The following CIRSR variants were observed in gnomAD, a reference collection of about 807,000 sequenced individuals.
CIRSR encodes CBF1 (RBPJ) interacting corepressor 1.
chr2:174,349,550 G>A, the CIRSR span, among the ~76,000 whole-genome samples: 1 of 125,468 alleles, frequency 8.0e-6, no homozygotes, highest in Non-Finnish European at 1.6e-5. Context: ...GGGCAAAAGA[G>A]TGAGACTCTG....
chr2:174,354,581 T>TATATATCATATAATATATATTATATTATA, the CIRSR span, among the ~76,000 whole-genome samples: 5 of 17,398 alleles, frequency 2.9e-4, no homozygotes, highest in Admixed American at 1.5e-3. Context: ...ATATTATATA[T>TATATATCATATAATATATATTATATTATA]TATATATATC....
At chr2:174,356,665 G>A in the CIRSR span, among the ~76,000 whole-genome samples, 2 of 152,228 alleles carry the variant, frequency 1.3e-5, no homozygotes, top group East Asian at 3.9e-4. Context: ...TGACTGGCCT[G>A]TCTCTCCTTC....
the CIRSR span, among the ~76,000 whole-genome samples, chr2:174,390,792 A>T: frequency 6.6e-6 from 1 of 152,180 alleles, no homozygotes; most frequent in Non-Finnish European, 1.5e-5. Context: ...TTTGATGGAT[A>T]AAACCATCAG....
the CIRSR span, among the ~76,000 whole-genome samples, chr2:174,354,543 AT>A: frequency 2.0e-5 from 1 of 50,048 alleles, no homozygotes; most frequent in African/African-American, 8.2e-5. Context: ...TATATAATAT[AT>A]ATTATATTAT....
the CIRSR span, chr2:174,358,240 AT>A: frequency 6.6e-6 from 1 of 152,120 alleles, no homozygotes; most frequent in Non-Finnish European, 1.5e-5. Flanking sequence ...TTTTATTTTT[AT>A]TTATTTTTAT....
the CIRSR span, among the ~76,000 whole-genome samples, chr2:174,354,591 CATATAATATATATTATATTAT>C: frequency 7.6e-4 from 7 of 9,170 alleles, no homozygotes; most frequent in South Asian, 0.04. Context: ...TTATATATAT[CATATAATATATATTATATTAT>C]ATATTTTATA....
At chr2:174,378,952 T>C in the CIRSR span, 48 of 1,613,374 alleles carry the variant, frequency 3.0e-5, no homozygotes, top group Non-Finnish European at 3.8e-5. Context: ...CGAACTTGCA[T>C]TGATTCCAGA....
At chr2:174,394,542 A>G in the CIRSR span, among the ~76,000 whole-genome samples, 1 of 152,198 alleles carries the variant, frequency 6.6e-6, no homozygotes, top group Non-Finnish European at 1.5e-5. Flanking sequence ...CCTCATTTAT[A>G]AAATGAGGAG....
chr2:174,373,809 T>C, the CIRSR span, among the ~76,000 whole-genome samples: 1 of 132,164 alleles, frequency 7.6e-6, no homozygotes. Context: ...CACCTTTCCT[T>C]TTCCTCAATA....
At chr2:174,348,759 T>C in the CIRSR span, 2 of 1,614,204 alleles carry the variant, frequency 1.2e-6, no homozygotes, top group Admixed American at 1.7e-5. Flanking sequence ...CTCTGGGCTA[T>C]GTTTATGGGT....
the CIRSR span, among the ~76,000 whole-genome samples, chr2:174,391,580 C>A: frequency 5.3e-5 from 8 of 151,760 alleles, no homozygotes; most frequent in African/African-American, 1.9e-4. Context: ...ACAGAGTGAG[C>A]CTCCATCTCA....
the CIRSR span, chr2:174,348,284 T>TCC: frequency 1.6e-6 from 1 of 607,054 alleles, no homozygotes; most frequent in Non-Finnish European, 2.5e-6. Context: ...CAAAATAGCT[T>TCC]ACTTACAAAT....
the CIRSR span, among the ~76,000 whole-genome samples, chr2:174,359,004 C>T: frequency 6.6e-5 from 10 of 152,294 alleles, no homozygotes; most frequent in Non-Finnish European, 1.3e-4. Context: ...CAGAAGTTAG[C>T]ATTATGTTTT....
chr2:174,359,313 T>A, the CIRSR span, among the ~76,000 whole-genome samples: 2 of 146,618 alleles, frequency 1.4e-5, no homozygotes, highest in African/African-American at 5.0e-5. Flanking sequence ...AACTCTACAT[T>A]TAAGACCAGT....
At chr2:174,380,092 A>C in the CIRSR span, 3 of 662,606 alleles carry the variant, frequency 4.5e-6, no homozygotes, top group Non-Finnish European at 7.6e-6. Context: ...ATCTGATACA[A>C]ATAAAAACCA....
the CIRSR span, among the ~76,000 whole-genome samples, chr2:174,354,680 TATATATTATATAATAC>T: frequency 3.0e-5 from 3 of 100,554 alleles, no homozygotes; most frequent in Non-Finnish European, 5.6e-5. Flanking sequence ...TTATATATTT[TATATATTATATAATAC>T]ATATATTATA....
chr2:174,354,625 TTA>T, the CIRSR span, among the ~76,000 whole-genome samples: 6 of 81,066 alleles, frequency 7.4e-5, no homozygotes, highest in South Asian at 2.8e-4. Context: ...ATTTTATATA[TTA>T]TATAATATAT....
the CIRSR span, chr2:174,370,161 C>T: frequency 1.0e-6 from 1 of 1,002,680 alleles, no homozygotes; most frequent in Non-Finnish European, 1.4e-6. Flanking sequence ...TGAAGGAGAG[C>T]TAGCACTCCC....
chr2:174,367,609 G>A, the CIRSR span, among the ~76,000 whole-genome samples: 1 of 151,888 alleles, frequency 6.6e-6, no homozygotes, highest in Admixed American at 6.6e-5. Flanking sequence ...GGGCATGATT[G>A]TGCATGCCTG....
Sources: allele counts gnomAD v4.1 joint callset (sites outside exome capture counted in the v4.1 genomes callset), GRCh38; gene constraint gnomAD v4.1.1; transcripts MANE v1.5; gene names NCBI Gene and HGNC (gene_info 2026-07-23, HGNC 2026-07-21).